Variants in PRKCE observed in about 807,000 individuals in gnomAD.
PRKCE encodes protein kinase C epsilon type.
In PRKCE, 16 loss-of-function variants were observed where a neutral mutation model predicts 85.4. The observed-to-expected ratio is 0.19, with a 90% confidence interval of 0.13 to 0.28. The LOEUF is 0.28. Ranked by LOEUF, PRKCE falls within the 10% of genes least tolerant of loss-of-function variation. The pLI, the probability that PRKCE is intolerant of heterozygous loss-of-function variation, is 1.00. For missense variants in PRKCE, 573 were observed against 975.2 expected (o/e 0.59, Z 5.49); for synonymous variants, 388 against 371.5 (o/e 1.04, Z -0.51).
chr2:45,729,684 G>A (rs543231628), intron 1 of PRKCE, among the ~76,000 whole-genome samples: 1 of 152,178 alleles, frequency 6.6e-6, no homozygotes, highest in African/African-American at 2.4e-5. Flanking sequence ...CTCCATGGGG[G>A]CTTATTTTTT....
intron 1 of PRKCE, among the ~76,000 whole-genome samples, chr2:45,783,177 A>G (rs1686330101): frequency 6.6e-6 from 1 of 152,170 alleles, no homozygotes; most frequent in South Asian, 2.1e-4. Context: ...TTGAAGCTCT[A>G]AATGCTGGAA....
At chr2:46,058,552 A>T (rs1666819627) in intron 10 of PRKCE, among the ~76,000 whole-genome samples, 1 of 152,204 alleles carries the variant, frequency 6.6e-6, no homozygotes, top group Non-Finnish European at 1.5e-5. Context: ...CAAATCAGAA[A>T]GTTGTGGTAA....
rs1705709856 is a variant in PRKCE, at chr2:46,011,872, T to C, written c.1437+1355T>C. 1.3e-5 allele frequency among the ~76,000 whole-genome samples: 2 copies of C among 152,222 alleles called. 1 individual carries two copies. Among genetic ancestry groups the C allele is most frequent in the South Asian group, 4.1e-4 (2 of 4,830 alleles). ...CTATCCTTCTGATCTCTCAGGAGAA[T>C]AAGAAATATCGTCTGAAAATCTGGA... On this transcript the variant is annotated intron_variant, in intron 10 of 14. Coordinates refer to ENST00000306156, the MANE Select transcript of PRKCE (RefSeq NM_005400.3).
At chr2:46,036,103 G>T (rs1402978251) in intron 10 of PRKCE, among the ~76,000 whole-genome samples, 3 of 152,210 alleles carry the variant, frequency 2.0e-5, no homozygotes, top group Admixed American at 1.3e-4. Flanking sequence ...ATGCCTGGGG[G>T]AGGAGTGTCC....
Position 45,779,923 on chromosome 2 carries a change from C to T in PRKCE, c.349-63077C>T, listed in dbSNP as rs1427927188. On this transcript the variant is annotated intron_variant, in intron 1 of 14. Transcript: ENST00000306156. Reference sequence around the variant, plus strand: ...AAACCTAGAACAGTATAATAAATCTCCCTCAGCTTCAACATTTATCAATAC... The same window carrying T: ...AAACCTAGAACAGTATAATAAATCTTCCTCAGCTTCAACATTTATCAATAC... Among the ~76,000 whole-genome samples, 5 of 152,234 alleles carry T rather than the reference C, an allele frequency of 3.3e-5. No homozygotes were observed. The South Asian group carries it at 1.0e-3, about 32-fold the overall frequency.
intron 1 of PRKCE, among the ~76,000 whole-genome samples, chr2:45,713,831 G>A (rs1031806685): frequency 1.3e-5 from 2 of 152,178 alleles, no homozygotes; most frequent in Admixed American, 1.3e-4. Context: ...TTCAGAAGTA[G>A]GTCTGTGGTT....
Position 46,019,974 on chromosome 2 carries a change from C to T in PRKCE, c.1437+9457C>T, listed in dbSNP as rs148481950. Among the ~76,000 whole-genome samples the T allele has an allele frequency of 3.2e-4, 48 of 151,742 alleles. No homozygotes were observed. The East Asian group carries it at 9.1e-3, about 29-fold the overall frequency. The stretch of plus-strand genomic sequence containing the variant: ...AAGCAATTCTCCTGCCTCAGCTTCC[C>T]AAATAGCTGGGATTACAGGCACGCA... On this transcript the variant is annotated intron_variant, in intron 10 of 14. Coordinates refer to ENST00000306156, the MANE Select transcript of PRKCE (RefSeq NM_005400.3).
intron 5 of PRKCE, among the ~76,000 whole-genome samples, chr2:45,982,806 C>T (rs928131986): frequency 5.3e-5 from 8 of 152,190 alleles, no homozygotes; most frequent in African/African-American, 1.2e-4. Context: ...CTGAGGGTCA[C>T]GTAGCTCTTT....
At chr2:45,910,045 C>CA (rs919284661) in intron 2 of PRKCE, among the ~76,000 whole-genome samples, 2 of 150,800 alleles carry the variant, frequency 1.3e-5, no homozygotes, top group African/African-American at 4.9e-5. Context: ...AACTCACCGC[C>CA]CCCCCCCAGC....
intron 1 of PRKCE, among the ~76,000 whole-genome samples, chr2:45,808,829 G>T (rs1016769225): frequency 6.6e-6 from 1 of 152,138 alleles, no homozygotes; most frequent in Non-Finnish European, 1.5e-5. Context: ...TTAGCGGGAG[G>T]GGATGCTGGT....
chr2:45,975,200 G>C (rs1454121289), intron 2 of PRKCE, among the ~76,000 whole-genome samples: 1 of 152,164 alleles, frequency 6.6e-6, no homozygotes, highest in Non-Finnish European at 1.5e-5. Context: ...GAGTTGTTTC[G>C]AGGGTTCATT....
intron 11 of PRKCE, among the ~76,000 whole-genome samples, chr2:46,136,336 A>G (rs1325618391): frequency 6.6e-6 from 1 of 152,222 alleles, no homozygotes; most frequent in Admixed American, 6.5e-5. Flanking sequence ...CACGCGTGCT[A>G]ACGCTTTGCT....
chr2:45,833,339 A>G (rs1690594147), intron 1 of PRKCE, among the ~76,000 whole-genome samples: 1 of 152,188 alleles, frequency 6.6e-6, no homozygotes, highest in South Asian at 2.1e-4. Flanking sequence ...AGTTCCACTT[A>G]GAGTCTTTAT....
At chr2:46,031,848 A>G (rs1351610964) in intron 10 of PRKCE, among the ~76,000 whole-genome samples, 1 of 152,148 alleles carries the variant, frequency 6.6e-6, no homozygotes, top group Non-Finnish European at 1.5e-5. Context: ...CATGCTCCTC[A>G]CAGCCCCTAC....
At chr2:45,754,334 A>G (rs1402931440) in intron 1 of PRKCE, among the ~76,000 whole-genome samples, 1 of 152,224 alleles carries the variant, frequency 6.6e-6, no homozygotes, top group East Asian at 1.9e-4. Flanking sequence ...ATGTGTGAAT[A>G]TGTAACTGTT....
intron 11 of PRKCE, among the ~76,000 whole-genome samples, chr2:46,123,214 CTTT>C (rs70937991): frequency 2.9e-4 from 8 of 27,368 alleles, no homozygotes; most frequent in East Asian, 1.5e-3. Flanking sequence ...AAACACTTGC[CTTT>C]TTTTTTTTTT....
chr2:46,022,944 G>A (rs548337614), intron 10 of PRKCE, among the ~76,000 whole-genome samples: 10 of 151,834 alleles, frequency 6.6e-5, no homozygotes, highest in East Asian at 1.9e-4. Context: ...TTAGCCGGGC[G>A]CGGTGGCGGG....
chr2:45,739,214 G>A (rs373494797), intron 1 of PRKCE, among the ~76,000 whole-genome samples: 4 of 152,200 alleles, frequency 2.6e-5, no homozygotes, highest in African/African-American at 9.6e-5. Flanking sequence ...AGAAGTCACT[G>A]GGAAGGCCCG....
intron 2 of PRKCE, among the ~76,000 whole-genome samples, chr2:45,954,039 A>G (rs747923113): frequency 2.0e-5 from 3 of 152,220 alleles, no homozygotes; most frequent in African/African-American, 7.2e-5. Context: ...GCCTATTACA[A>G]AATTTAAAAA....
Sources: allele counts gnomAD v4.1 joint callset (sites outside exome capture counted in the v4.1 genomes callset), GRCh38; gene constraint gnomAD v4.1.1; transcripts MANE v1.5; gene names NCBI Gene and HGNC (gene_info 2026-07-23, HGNC 2026-07-21).